The following TEX11 variants were observed in gnomAD, a reference collection of about 807,000 sequenced individuals.
TEX11 encodes testis-expressed protein 11.
Under a neutral mutation model 84.4 loss-of-function variants are expected in TEX11, and 7 were observed. The observed-to-expected ratio is 0.08, with a 90% CI of 0.05 to 0.16. The LOEUF is 0.16. Ranked by LOEUF, TEX11 falls within the 10% of genes least tolerant of loss-of-function variation. The probability of loss-of-function intolerance (pLI) is 1.00; values close to 1 mark genes in which losing one functional copy is unlikely to be tolerated. For missense variants in TEX11, 551 were observed against 660.5 expected (o/e 0.83, Z 1.82); for synonymous variants, 264 against 222.8 (o/e 1.18, Z -1.64).
chrX:70,559,697 T>C (rs960399052), intron 25 of TEX11, among the ~76,000 whole-genome samples: 6 of 112,585 alleles, frequency 5.3e-5, no homozygotes, highest in African/African-American at 1.9e-4. Flanking sequence ...TTCTTTTTAT[T>C]GCTTTGTAGT....
intron 16 of TEX11, among the ~76,000 whole-genome samples, chrX:70,663,783 A>C (rs1467685870): frequency 8.9e-6 from 1 of 111,886 alleles, no homozygotes; most frequent in African/African-American, 3.2e-5. Flanking sequence ...TCATACTATC[A>C]TAAGATTGAT....
intron 8 of TEX11, among the ~76,000 whole-genome samples, chrX:70,809,931 A>C (rs1308976010): frequency 8.9e-6 from 1 of 112,191 alleles, no homozygotes; most frequent in Non-Finnish European, 1.9e-5. Flanking sequence ...AACTATGTAT[A>C]GATACACACT....
intron 13 of TEX11, among the ~76,000 whole-genome samples, chrX:70,693,781 A>G (rs1444958114): frequency 8.9e-6 from 1 of 111,983 alleles, no homozygotes; most frequent in Non-Finnish European, 1.9e-5. Flanking sequence ...TATTCTTACC[A>G]CACAAAGAAG....
intron 11 of TEX11, among the ~76,000 whole-genome samples, chrX:70,733,365 G>A (rs1260092119): frequency 4.5e-5 from 5 of 111,076 alleles, no homozygotes; most frequent in African/African-American, 9.8e-5. Flanking sequence ...GTGAACAGGC[G>A]ACCTACAAAA....
intron 13 of TEX11, among the ~76,000 whole-genome samples, chrX:70,700,495 C>T (rs1437994553): frequency 9.0e-6 from 1 of 111,463 alleles, no homozygotes; most frequent in Non-Finnish European, 1.9e-5. Context: ...GTACCATAAA[C>T]TAAGCCCAAA....
At chrX:70,644,253 A>G (rs2089708654) in intron 17 of TEX11, among the ~76,000 whole-genome samples, 1 of 104,908 alleles carries the variant, frequency 9.5e-6, no homozygotes, top group African/African-American at 3.5e-5. Context: ...AATGGCAATC[A>G]TTAAAAAGTC....
chrX:70,574,881 C>T (rs1261022719), intron 25 of TEX11, among the ~76,000 whole-genome samples: 1 of 110,658 alleles, frequency 9.0e-6, no homozygotes, highest in Admixed American at 9.7e-5. Flanking sequence ...ATATCTAGGA[C>T]AAGAGTGTCC....
At chrX:70,886,957 G>C (rs748892302) in intron 2 of TEX11, among the ~76,000 whole-genome samples, 1 of 111,774 alleles carries the variant, frequency 8.9e-6, no homozygotes, top group South Asian at 3.7e-4. Context: ...AGAGACTAAA[G>C]GATAGCTGTG....
intron 25 of TEX11, among the ~76,000 whole-genome samples, chrX:70,577,644 G>A (rs1352923947): frequency 1.8e-5 from 2 of 111,129 alleles, no homozygotes; most frequent in Non-Finnish European, 1.9e-5. Flanking sequence ...GAAATTGGTT[G>A]TAACATCTTC....
At chrX:70,785,052 C>T (rs896896965) in intron 9 of TEX11, among the ~76,000 whole-genome samples, 1 of 111,888 alleles carries the variant, frequency 8.9e-6, no homozygotes, top group African/African-American at 3.2e-5. Flanking sequence ...AAGCTGGAGG[C>T]ATCACACTAC....
At chrX:70,563,364 A>G (rs887810506) in intron 25 of TEX11, among the ~76,000 whole-genome samples, 3 of 112,063 alleles carry the variant, frequency 2.7e-5, no homozygotes, top group African/African-American at 9.7e-5. Flanking sequence ...AATAGAACCT[A>G]TTTCTGAAAT....
intron 28 of TEX11, among the ~76,000 whole-genome samples, chrX:70,544,339 A>G (rs2088086905): frequency 9.0e-6 from 1 of 110,974 alleles, no homozygotes; most frequent in Non-Finnish European, 1.9e-5. Flanking sequence ...AGCCTGGGCA[A>G]CATGGTGAAA....
intron 8 of TEX11, among the ~76,000 whole-genome samples, chrX:70,816,095 T>G (rs1305268502): frequency 9.0e-6 from 1 of 110,646 alleles, no homozygotes; most frequent in African/African-American, 3.3e-5. Context: ...CCTTTCCCCC[T>G]GAGTCCCCAA....
chrX:70,832,144 G>A (rs1048165273), intron 8 of TEX11, among the ~76,000 whole-genome samples: 1 of 111,314 alleles, frequency 9.0e-6, no homozygotes, highest in Non-Finnish European at 1.9e-5. Context: ...TTCTTCTGTG[G>A]TTTTCTGGCC....
chrX:70,517,287 A>G, the TEX11 span, among the ~76,000 whole-genome samples: 1 of 111,874 alleles, frequency 8.9e-6, no homozygotes, highest in African/African-American at 3.2e-5. Flanking sequence ...TTATTTTGAG[A>G]TACGTTCCAT....
chrX:70,609,275 T>G, intron 21 of TEX11, 98 bp from the exon 22 acceptor site: 1 of 739,042 alleles, frequency 1.4e-6, no homozygotes, highest in Admixed American at 3.9e-5. Context: ...GGAGTTTGAA[T>G]TTAGAAAGTT....
intron 28 of TEX11, among the ~76,000 whole-genome samples, chrX:70,546,524 A>G (rs1209342102): frequency 1.8e-5 from 2 of 111,379 alleles, no homozygotes; most frequent in Admixed American, 1.9e-4. Flanking sequence ...CAGAATATAT[A>G]AAGAACTCTT....
intron 16 of TEX11, among the ~76,000 whole-genome samples, chrX:70,664,562 T>C (rs373214351): frequency 8.9e-6 from 1 of 111,740 alleles, no homozygotes; most frequent in East Asian, 2.8e-4. Flanking sequence ...TGATGTGTGA[T>C]TGAACAGCCT....
chrX:70,605,565 G>T, intron 23 of TEX11, 48 bp from the exon 24 acceptor site: 1 of 880,069 alleles, frequency 1.1e-6, no homozygotes, highest in Non-Finnish European at 1.6e-6. Context: ...AATTCTGCCA[G>T]GTGAACACAA....
Sources: gnomAD v4.1 joint callset for allele counts (sites outside exome capture counted in the v4.1 genomes callset) on GRCh38, gnomAD v4.1.1 for gene constraint, MANE v1.5 for transcripts, NCBI Gene and HGNC (gene_info 2026-07-23, HGNC 2026-07-21) for gene names.